Variants in FOXN1 observed in about 807,000 individuals in gnomAD.
FOXN1 encodes the protein forkhead box N1.
Under a neutral mutation model 49.0 loss-of-function variants are expected in FOXN1, and 15 were observed. That is an observed-to-expected ratio of 0.31 (90% CI 0.20 to 0.47). FOXN1 has a LOEUF of 0.47. FOXN1 is among the 20% of genes least tolerant of loss of function. The pLI, the probability that FOXN1 is intolerant of heterozygous loss-of-function variation, is 1.00. For missense variants in FOXN1, 800 were observed against 842.8 expected (o/e 0.95, Z 0.63); for synonymous variants, 356 against 369.0 (o/e 0.96, Z 0.40).
intron 1 of FOXN1, among the ~76,000 whole-genome samples, chr17:28,510,697 T>A (rs144909018): frequency 8.9e-4 from 135 of 152,208 alleles, no homozygotes; most frequent in African/African-American, 3.2e-3. Flanking sequence ...CACAGCAGTC[T>A]TCACTGTCAG....
intron 3 of FOXN1, 118 bp downstream of exon 3, chr17:28,525,085 C>T: frequency 1.2e-6 from 1 of 849,074 alleles, no homozygotes; most frequent in Non-Finnish European, 1.9e-6. Context: ...CCTTGCCACT[C>T]AAGACCAGAG....
At chr17:28,508,488 A>G (rs2069314801) in intron 1 of FOXN1, among the ~76,000 whole-genome samples, 1 of 152,104 alleles carries the variant, frequency 6.6e-6, no homozygotes, top group South Asian at 2.1e-4. Flanking sequence ...AAAGCAACAT[A>G]TCGCCTCTTT....
At chr17:28,517,013 T>C (rs1205020173) in intron 1 of FOXN1, among the ~76,000 whole-genome samples, 1 of 33,556 alleles carries the variant, frequency 3.0e-5, no homozygotes, top group Non-Finnish European at 8.2e-5. Flanking sequence ...ACAGGATCCA[T>C]ACCATCACAG....
Position 28,537,890 on chromosome 17 carries a change from A to G in FOXN1, c.*454A>G, listed in dbSNP as rs192432126. On this transcript the variant is annotated 3_prime_UTR_variant, in exon 9 of 9. Coordinates refer to ENST00000579795, the MANE Select transcript of FOXN1 (RefSeq NM_001369369.1). ...AAAGCTCAGGGCCCTGTGCCAGGCCAAAGATCCCCCCAGACCCCCATTCTG... is the reference window on the plus strand; with the variant it reads ...AAAGCTCAGGGCCCTGTGCCAGGCCGAAGATCCCCCCAGACCCCCATTCTG... 8.1e-6 allele frequency: 2 copies of G among 246,482 alleles called. No homozygotes were observed. The highest frequency in any genetic ancestry group is 2.0e-4 in the East Asian group (2 of 10,116). The allele number at this position is 246,482 out of a possible 1,614,324, so 15.3% of individuals were successfully genotyped here. A position where few individuals can be genotyped will look rare whatever the true frequency, so the allele number is the denominator to read the frequency against.
intron 1 of FOXN1, among the ~76,000 whole-genome samples, chr17:28,511,237 C>T (rs1049247234): frequency 2.0e-5 from 3 of 152,138 alleles, no homozygotes; most frequent in Non-Finnish European, 2.9e-5. Flanking sequence ...GGAGGTGCAC[C>T]AGTATGTATT....
intron 3 of FOXN1, among the ~76,000 whole-genome samples, chr17:28,525,381 C>T (rs762061168): frequency 2.0e-5 from 3 of 152,166 alleles, no homozygotes; most frequent in Non-Finnish European, 4.4e-5. Context: ...CCTTAGCATA[C>T]AGAGTTGAGA....
chr17:28,523,152 A>T (rs1381492293), intron 1 of FOXN1, among the ~76,000 whole-genome samples: 1 of 152,212 alleles, frequency 6.6e-6, no homozygotes, highest in African/African-American at 2.4e-5. Context: ...GAGCAGAAAA[A>T]GCCCTCCGAT....
chr17:28,529,787 A>G (rs1011608562), intron 5 of FOXN1, among the ~76,000 whole-genome samples: 1 of 152,102 alleles, frequency 6.6e-6, no homozygotes, highest in Non-Finnish European at 1.5e-5. Context: ...CAGGCCCTAC[A>G]TGGGATCGGG....
Position 28,506,939 on chromosome 17 carries a change from C to T in FOXN1, c.-15+496C>T, listed in dbSNP as rs573326532. The stretch of plus-strand genomic sequence containing the variant: ...GCTCAACATCTCCACGCAGCCTGGG[C>T]TGGGGTCTAGATGCCTGGGCCCATG... On this transcript the variant is annotated intron_variant, in intron 1 of 8. Coordinates refer to ENST00000579795, the MANE Select transcript of FOXN1 (RefSeq NM_001369369.1). 2.4e-4 allele frequency among the ~76,000 whole-genome samples: 36 copies of T among 152,320 alleles called. 2 individuals carry two copies. Among genetic ancestry groups the T allele is most frequent in the Admixed American group, 1.7e-3 (26 of 15,300 alleles).
chr17:28,509,688 A>G (rs753108574), intron 1 of FOXN1, among the ~76,000 whole-genome samples: 1 of 152,260 alleles, frequency 6.6e-6, no homozygotes, highest in Non-Finnish European at 1.5e-5. Context: ...ATGCAACAAG[A>G]CAAGTGGAGG....
At chr17:28,511,681 A>G (rs1189265021) in intron 1 of FOXN1, among the ~76,000 whole-genome samples, 1 of 151,396 alleles carries the variant, frequency 6.6e-6, no homozygotes, top group Non-Finnish European at 1.5e-5. Flanking sequence ...AAAGATGAGG[A>G]CTCCATTTTA....
chr17:28,524,146 G>A (rs2069708517), intron 2 of FOXN1, 54 bp downstream of exon 2: 1 of 1,528,216 alleles, frequency 6.5e-7, no homozygotes, highest in Non-Finnish European at 8.8e-7. Flanking sequence ...GGCTGCCCAG[G>A]CAACAAGAAG....
intron 1 of FOXN1, among the ~76,000 whole-genome samples, chr17:28,523,315 G>A (rs557706263): frequency 2.0e-5 from 3 of 152,216 alleles, no homozygotes; most frequent in South Asian, 2.1e-4. Flanking sequence ...GTCAGGGCCC[G>A]CTGGGCTCAC....
rs139818870 is a variant in FOXN1 at position 28,524,871 on chromosome 17, C to T, written c.492C>T (p.Asp164=). 3.5e-5 allele frequency: 57 copies of T among 1,613,580 alleles called. No individual in the cohort carries two copies. The highest frequency in any genetic ancestry group is 2.8e-4 in the Admixed American group (17 of 60,010). The change falls in exon 3 of 9, where the codon GAC becomes GAT. Residue 164 remains aspartate (D), a synonymous_variant. Transcript: ENST00000579795. ...AGGCCTTCGAGGAGATCCCAGTGGA[C>T]GTGGCGGAGGCCGAGGCCTTCCTGC... ...PLEAFEEIPV[D]VAEAEAFLPG...
chr17:28,533,485 AC>A (rs3837849), intron 6 of FOXN1, among the ~76,000 whole-genome samples: 7 of 126,446 alleles, frequency 5.5e-5, no homozygotes, highest in South Asian at 2.4e-4. Context: ...TGGCACGAGC[AC>A]CCCCCCCCAC....
At chr17:28,526,175 A>G (rs2069762105) in intron 3 of FOXN1, among the ~76,000 whole-genome samples, 1 of 152,194 alleles carries the variant, frequency 6.6e-6, no homozygotes, top group Non-Finnish European at 1.5e-5. Context: ...ACACACAGGT[A>G]TCTGGTCGAC....
chr17:28,531,823 G>T (rs1181622538), intron 6 of FOXN1, among the ~76,000 whole-genome samples: 1 of 152,126 alleles, frequency 6.6e-6, no homozygotes, highest in Non-Finnish European at 1.5e-5. Context: ...TCCTGCCTGG[G>T]GATAATTTGA....
intron 1 of FOXN1, among the ~76,000 whole-genome samples, chr17:28,520,862 G>A (rs2069627490): frequency 6.6e-6 from 1 of 151,828 alleles, no homozygotes; most frequent in African/African-American, 2.4e-5. Context: ...TGGGGTCTGA[G>A]GCCAGGCTGA....
At chr17:28,531,028 C>T (rs2069900704) in intron 6 of FOXN1, among the ~76,000 whole-genome samples, 183 bp downstream of exon 6, 1 of 152,146 alleles carries the variant, frequency 6.6e-6, no homozygotes, top group African/African-American at 2.4e-5. Flanking sequence ...AAAAGGTGCT[C>T]CAAGTGGGGA....
Sources: allele counts gnomAD v4.1 joint callset (sites outside exome capture counted in the v4.1 genomes callset), GRCh38; gene constraint gnomAD v4.1.1; transcripts MANE v1.5; gene names NCBI Gene and HGNC (gene_info 2026-07-23, HGNC 2026-07-21).